Variants in MAF observed in about 807,000 individuals in gnomAD.
The protein encoded by MAF is MAF bZIP transcription factor.
MAF carries 10 observed loss-of-function variants against 22.0 expected under a neutral mutation model. The ratio of observed to expected loss-of-function variants is 0.45; its 90% CI spans 0.28 to 0.77. MAF has a LOEUF of 0.77. MAF is among the 30% of genes least tolerant of loss of function. MAF has a pLI of 0.12. For missense variants in MAF, 544 were observed against 548.4 expected (o/e 0.99, Z 0.08); for synonymous variants, 337 against 255.8 (o/e 1.32, Z -3.03).
At chr16:79,291,612 C>G in the MAF span, among the ~76,000 whole-genome samples, 8 of 151,488 alleles carry the variant, frequency 5.3e-5, no homozygotes, top group Admixed American at 6.6e-5. Flanking sequence ...AGACTCTACT[C>G]TGACCTATGC....
At chr16:79,269,327 C>T in the MAF span, among the ~76,000 whole-genome samples, 1 of 152,148 alleles carries the variant, frequency 6.6e-6, no homozygotes, top group Non-Finnish European at 1.5e-5. Context: ...CACTCACTGC[C>T]CCTAATGGCT....
chr16:79,365,914 C>T, the MAF span, among the ~76,000 whole-genome samples: 53 of 152,342 alleles, frequency 3.5e-4, no homozygotes, highest in East Asian at 3.1e-3. Context: ...AGTATGTGAT[C>T]ATCTGACCTG....
chr16:79,372,920 C>A, the MAF span, among the ~76,000 whole-genome samples: 1 of 152,306 alleles, frequency 6.6e-6, no homozygotes, highest in Admixed American at 6.5e-5. Flanking sequence ...AACATTCTTT[C>A]CTCCCCTCTT....
the MAF span, among the ~76,000 whole-genome samples, chr16:79,548,501 A>C: frequency 3.9e-5 from 6 of 152,260 alleles, no homozygotes; most frequent in Non-Finnish European, 8.8e-5. Flanking sequence ...CTCTGGATTT[A>C]AAGATACACT....
the MAF span, among the ~76,000 whole-genome samples, chr16:79,516,634 A>G: frequency 1.3e-5 from 2 of 152,214 alleles, no homozygotes; most frequent in Non-Finnish European, 2.9e-5. Context: ...GGATTAACTC[A>G]TCTGTGATGT....
the MAF span, among the ~76,000 whole-genome samples, chr16:79,460,693 T>A: frequency 2.6e-5 from 4 of 152,146 alleles, no homozygotes; most frequent in African/African-American, 9.7e-5. Context: ...TTAATTGGGG[T>A]AGGGTTATAT....
chr16:79,557,172 T>C, the MAF span, among the ~76,000 whole-genome samples: 1 of 117,354 alleles, frequency 8.5e-6, no homozygotes, highest in African/African-American at 2.8e-5. Context: ...GTGTAGTTTT[T>C]TTTATTCAAT....
chr16:79,572,260 G>C, the MAF span, among the ~76,000 whole-genome samples: 1 of 152,178 alleles, frequency 6.6e-6, no homozygotes, highest in African/African-American at 2.4e-5. Context: ...TTTCAAAGAG[G>C]TGTGTGGAGG....
chr16:79,309,856 G>C, the MAF span, among the ~76,000 whole-genome samples: 2 of 152,098 alleles, frequency 1.3e-5, no homozygotes, highest in African/African-American at 2.4e-5. Context: ...CCCACAACTC[G>C]GCTCCCAGCT....
chr16:79,295,614 C>T, the MAF span, among the ~76,000 whole-genome samples: 1 of 152,194 alleles, frequency 6.6e-6, no homozygotes, highest in Non-Finnish European at 1.5e-5. Context: ...AATGAGGCAG[C>T]TTTTAGGCTA....
At chr16:79,537,994 T>C in the MAF span, among the ~76,000 whole-genome samples, 1 of 152,170 alleles carries the variant, frequency 6.6e-6, no homozygotes, top group Non-Finnish European at 1.5e-5. Context: ...TAATTAATGA[T>C]CTAAAAAGTC....
At chr16:79,494,953 C>T in the MAF span, among the ~76,000 whole-genome samples, 14 of 152,222 alleles carry the variant, frequency 9.2e-5, no homozygotes, top group African/African-American at 3.1e-4. Context: ...GTAAAGGGTG[C>T]AACTTAGGAA....
chr16:79,250,295 T>C, the MAF span, among the ~76,000 whole-genome samples: 2 of 152,236 alleles, frequency 1.3e-5, no homozygotes, highest in African/African-American at 2.4e-5. Context: ...AGAGGACTTC[T>C]GGTGAAATTC....
At chr16:79,360,014 C>A in the MAF span, among the ~76,000 whole-genome samples, 2 of 152,020 alleles carry the variant, frequency 1.3e-5, no homozygotes, top group Non-Finnish European at 2.9e-5. Context: ...GAGGGAAGAA[C>A]CTGGAGCAAT....
chr16:79,348,394 T>C, the MAF span, among the ~76,000 whole-genome samples: 1 of 152,202 alleles, frequency 6.6e-6, no homozygotes, highest in African/African-American at 2.4e-5. Flanking sequence ...GCCTCTTCTG[T>C]CTCTTTAAAG....
At chr16:79,212,206 G>A in the MAF span, 3 of 1,448,018 alleles carry the variant, frequency 2.1e-6, no homozygotes, top group African/African-American at 2.9e-5. Context: ...CCTACTTAGG[G>A]AAGAAAAAGC....
At chr16:79,489,532 T>A in the MAF span, among the ~76,000 whole-genome samples, 1 of 152,214 alleles carries the variant, frequency 6.6e-6, no homozygotes, top group African/African-American at 2.4e-5. Flanking sequence ...AGGGAGGAAC[T>A]TCCCTGTTGG....
At chr16:79,292,071 C>T in the MAF span, among the ~76,000 whole-genome samples, 13 of 151,932 alleles carry the variant, frequency 8.6e-5, no homozygotes, top group Non-Finnish European at 1.5e-4. Context: ...CATTCTCATC[C>T]TTAAAAAGAA....
chr16:79,470,334 T>C, the MAF span, among the ~76,000 whole-genome samples: 12 of 152,044 alleles, frequency 7.9e-5, no homozygotes, highest in Non-Finnish European at 1.3e-4. Context: ...AGGGGATGGG[T>C]CCAGGGCAGG....
Sources: gnomAD v4.1 joint callset for allele counts (sites outside exome capture counted in the v4.1 genomes callset) on GRCh38, gnomAD v4.1.1 for gene constraint, MANE v1.5 for transcripts, NCBI Gene and HGNC (gene_info 2026-07-23, HGNC 2026-07-21) for gene names.